The following GNAI2 variants were observed in gnomAD, a reference collection of about 807,000 sequenced individuals.
GNAI2 encodes the protein guanine nucleotide-binding protein G(i) subunit alpha-2.
In GNAI2, 4 loss-of-function variants were observed where a neutral mutation model predicts 36.8. The observed-to-expected ratio is 0.11, with a 90% confidence interval of 0.05 to 0.25. GNAI2 has a LOEUF of 0.25. GNAI2 is among the 10% of genes least tolerant of loss of function. The pLI is 1.00. For synonymous variants in GNAI2, 194 were observed against 194.1 expected, an observed-to-expected ratio of 1.00 and a Z score of 0.01; for missense variants, 230 against 481.3, an observed-to-expected ratio of 0.48 and a Z score of 4.89.
upstream of GNAI2, among the ~76,000 whole-genome samples, chr3:50,233,345 G>A (rs978042898): frequency 6.6e-6 from 1 of 152,198 alleles, no homozygotes; most frequent in East Asian, 1.9e-4. Flanking sequence ...CCTACTGAGA[G>A]CTGGGCCTCC....
At chr3:50,231,592 T>C (rs114336797), upstream of GNAI2, among the ~76,000 whole-genome samples, 2,379 of 152,240 alleles carry the variant, frequency 0.016, 65 homozygotes, top group African/African-American at 0.054. Flanking sequence ...TTTAAGTTGA[T>C]ACATATTTAC....
At position 50,253,185 on chromosome 3, in the gene GNAI2, G is replaced by C. The variant is rs111822168; in HGVS notation, c.464+1G>C. 1 of 1,608,170 alleles carries C rather than the reference G, an allele frequency of 6.2e-7. No homozygotes were observed. The highest frequency in any genetic ancestry group is 8.5e-7 in the Non-Finnish European group (1 of 1,175,376). On this transcript the variant is annotated splice_donor_variant, in intron 4 of 8. Coordinates refer to ENST00000313601, the MANE Select transcript of GNAI2 (RefSeq NM_002070.4). LOFTEE classifies it high-confidence loss of function. The surrounding 1 kb of genome is among the most constrained non-coding windows in gnomAD (Gnocchi z 4.2). ...ACCAGCTCAACGACTCAGCTGCCTA[G>C]TGAGTGCTCTGAGGGGCTGGGCAGG...
chr3:50,253,047 A>G lies in GNAI2; in HGVS notation c.327A>G (p.Ala109=), dbSNP rs1553702755. ...SRADDARQLF[A]LSCTAEEQGV... ...AGGACGACGCCAGGCAGCTATTTGC[A>G]CTGTCCTGCACCGCCGAGGAGCAAG... Residue 109 remains alanine, a synonymous_variant, in exon 4 of 9, where the codon GCA becomes GCG. Coordinates refer to ENST00000313601, the MANE Select transcript of GNAI2 (RefSeq NM_002070.4). This position sits in a 1 kb window ranked among gnomAD's most constrained non-coding sequence, Gnocchi z 4.2. The G allele has an allele frequency of 4.4e-6, 7 of 1,596,348 alleles. No individual in the cohort carries two copies. The highest frequency in any genetic ancestry group is 5.1e-6 in the Non-Finnish European group (6 of 1,166,426).
rs1474800740 is a variant in GNAI2, at chr3:50,238,769, T to C, written c.118+2316T>C. Among the ~76,000 whole-genome samples the C allele has an allele frequency of 6.6e-6, 1 of 152,190 alleles. No individual in the cohort carries two copies. Among genetic ancestry groups the C allele is most frequent in the Non-Finnish European group, 1.5e-5 (1 of 68,024 alleles). ...TTGAGCCATGCCTTTCCCATCCAGG[T>C]GCAAGGTGGTGATGGGAGCCCAGCT... On this transcript the variant is annotated intron_variant, in intron 1 of 8. Transcript: ENST00000313601. This position sits in a 1 kb window ranked among gnomAD's most constrained non-coding sequence, Gnocchi z 5.0.
At chr3:50,251,226 G>T (rs1700550351) in intron 1 of GNAI2, 1 of 345,144 alleles carries the variant, frequency 2.9e-6, no homozygotes, top group Non-Finnish European at 4.1e-6. Context: ...TTGCCCTTCT[G>T]AGTCCTGGCT....
rs1289920798 is a variant in GNAI2, at chr3:50,242,327, T to C, written c.118+5874T>C. Among the ~76,000 whole-genome samples, 1 of 151,962 alleles carries C rather than the reference T, an allele frequency of 6.6e-6. No individual in the cohort carries two copies. The highest frequency in any genetic ancestry group is 1.9e-4 in the East Asian group (1 of 5,174). On this transcript the variant is annotated intron_variant, in intron 1 of 8. Coordinates refer to ENST00000313601, the MANE Select transcript of GNAI2 (RefSeq NM_002070.4). This position sits in a 1 kb window ranked among gnomAD's most constrained non-coding sequence, Gnocchi z 4.8. ...GGGCAAGGTACAGGCCAGGGAGTAG[T>C]CTCATCTTCCCAGCATCTCAGGCCA...
At chr3:50,237,276 G>C (rs782360328) in intron 1 of GNAI2, among the ~76,000 whole-genome samples, 3 of 152,240 alleles carry the variant, frequency 2.0e-5, no homozygotes, top group African/African-American at 4.8e-5. Context: ...GGTCACGCTG[G>C]GGGAGGGGGC....
At chr3:50,239,741 C>T (rs910545712) in intron 1 of GNAI2, 1 of 152,238 alleles carries the variant, frequency 6.6e-6, no homozygotes, top group Non-Finnish European at 1.5e-5. Flanking sequence ...GAGTTCTTAT[C>T]CCACCCTGTG....
rs1013850779 is a variant in GNAI2, at chr3:50,255,641, G to A, written c.465-551G>A. Among the ~76,000 whole-genome samples the A allele has an allele frequency of 3.9e-5, 6 of 152,210 alleles. No individual in the cohort carries two copies. ...GGTGCTGGAGCTTGGCTGGCTAGCTGTCCACAGAGCTGCACCTCCTCCCAT... is the reference window on the plus strand; with the variant it reads ...GGTGCTGGAGCTTGGCTGGCTAGCTATCCACAGAGCTGCACCTCCTCCCAT... On this transcript the variant is annotated intron_variant, in intron 4 of 8. Coordinates refer to ENST00000313601, the MANE Select transcript of GNAI2 (RefSeq NM_002070.4). The surrounding 1 kb of genome is among the most constrained non-coding windows in gnomAD (Gnocchi z 4.0).
rs1376219478 is a variant in GNAI2, at chr3:50,242,613, C to T, written c.118+6160C>T. Reference sequence around the variant, plus strand: ...TCTCGTTCTTACTAAACCCCAACCCCACCCTCACCCTGATGTTACTTCTTG... The same window carrying T: ...TCTCGTTCTTACTAAACCCCAACCCTACCCTCACCCTGATGTTACTTCTTG... On this transcript the variant is annotated intron_variant, in intron 1 of 8. Coordinates refer to ENST00000313601, the MANE Select transcript of GNAI2 (RefSeq NM_002070.4). This position sits in a 1 kb window ranked among gnomAD's most constrained non-coding sequence, Gnocchi z 4.8. Among the ~76,000 whole-genome samples, 3 of 152,136 alleles carry T rather than the reference C, an allele frequency of 2.0e-5. No homozygotes were observed. The highest frequency in any genetic ancestry group is 3.9e-4 in the East Asian group (2 of 5,190).
At position 50,257,436 on chromosome 3, in the gene GNAI2, G is replaced by A. The variant is rs587773439; in HGVS notation, c.878-64G>A. On this transcript the variant is annotated intron_variant, in intron 7 of 8. Transcript: ENST00000313601. ...CCGTCCACACGCACAGACCCTTGCT[G>A]CACACGTAGGATGCGGCCTGCCTGC... 3.8e-5 allele frequency: 43 copies of A among 1,121,212 alleles called. No individual in the cohort carries two copies. In the African/African-American group the frequency reaches 6.2e-4, roughly 16 times the overall value. 69.5% of individuals were successfully genotyped at this position (1,121,212 alleles called of 1,614,324 possible).
intron 1 of GNAI2, among the ~76,000 whole-genome samples, chr3:50,250,159 T>C (rs1553702230): frequency 6.6e-6 from 1 of 152,206 alleles, no homozygotes; most frequent in East Asian, 1.9e-4. Context: ...CCTCCCAGGA[T>C]TGCTGTGGAG....
rs1700662678 is a variant in GNAI2 at position 50,255,297 on chromosome 3, G to C, written c.465-895G>C. Among the ~76,000 whole-genome samples, 1 of 152,140 alleles carries C rather than the reference G, an allele frequency of 6.6e-6. No individual in the cohort carries two copies. Among genetic ancestry groups the C allele is most frequent in the South Asian group, 2.1e-4 (1 of 4,834 alleles). ...GCAGGCAGCAGAGGCAGGCCCTGCAGGGGTAGCCTTGATACTAATTAAGGG... is the reference window on the plus strand; with the variant it reads ...GCAGGCAGCAGAGGCAGGCCCTGCACGGGTAGCCTTGATACTAATTAAGGG... On this transcript the variant is annotated intron_variant, in intron 4 of 8. Coordinates refer to ENST00000313601, the MANE Select transcript of GNAI2 (RefSeq NM_002070.4). This position sits in a 1 kb window ranked among gnomAD's most constrained non-coding sequence, Gnocchi z 4.0.
At position 50,259,110 on chromosome 3, in the gene GNAI2, TC is replaced by T. The variant is rs1700790724; in HGVS notation, c.*769del. The T allele has an allele frequency of 2.8e-6, 1 of 358,978 alleles. No homozygotes were observed. The highest frequency in any genetic ancestry group is 5.4e-6 in the Non-Finnish European group (1 of 184,578). The allele number at this position is 358,978 out of a possible 1,614,324, so 22.2% of individuals were successfully genotyped here. A position where few individuals can be genotyped will look rare whatever the true frequency, so the allele number is the denominator to read the frequency against. On this transcript the variant is annotated 3_prime_UTR_variant, in exon 9 of 9. Coordinates refer to ENST00000313601, the MANE Select transcript of GNAI2 (RefSeq NM_002070.4). ...CACAGAATTGGGTTCCAAGGGCTGT[TC>T]CAGACAACTGCCAACGTCACTGAGG...
upstream of GNAI2, among the ~76,000 whole-genome samples, chr3:50,232,439 C>G (rs1553699866): frequency 5.3e-5 from 8 of 152,226 alleles, no homozygotes; most frequent in Admixed American, 5.2e-4. Context: ...TGACCTCTGC[C>G]TGTGCTTTGG....
chr3:50,252,478 C>T lies in GNAI2; in HGVS notation c.243C>T (p.Ile81=). 6.2e-7 allele frequency: 1 copy of T among 1,613,620 alleles called. No individual in the cohort carries two copies. Among genetic ancestry groups the T allele is most frequent in the Non-Finnish European group, 8.5e-7 (1 of 1,179,736 alleles). Residue 81 remains isoleucine (I), a synonymous_variant, in exon 3 of 9, where the codon ATC becomes ATT. Transcript: ENST00000313601. The surrounding 1 kb of genome is among the most constrained non-coding windows in gnomAD (Gnocchi z 4.1). ...TCTACAGCAACACCATCCAGTCCATCATGGCCATTGTCAAAGCCATGGGCA... is the reference window on the plus strand; with the variant it reads ...TCTACAGCAACACCATCCAGTCCATTATGGCCATTGTCAAAGCCATGGGCA... The part of the protein sequence containing the change: ...AVVYSNTIQS[I]MAIVKAMGNL...
rs587681450 is a variant in GNAI2, at chr3:50,253,425, G to C, written c.464+241G>C. ...AGTACATCTCTTCCAGGCCAGTTGA[G>C]TCTGATCTGTCTTGACAGTCTTCTA... On this transcript the variant is annotated intron_variant, in intron 4 of 8. Coordinates refer to ENST00000313601, the MANE Select transcript of GNAI2 (RefSeq NM_002070.4). The surrounding 1 kb of genome is among the most constrained non-coding windows in gnomAD (Gnocchi z 4.2). Among the ~76,000 whole-genome samples the C allele has an allele frequency of 9.8e-5, 15 of 152,306 alleles. No homozygotes were observed. The highest frequency in any genetic ancestry group is 1.6e-4 in the Non-Finnish European group (11 of 68,034).
chr3:50,257,954 C>A (rs1427720960), intron 8 of GNAI2: 15 of 397,382 alleles, frequency 3.8e-5, no homozygotes, highest in Non-Finnish European at 1.8e-5. Flanking sequence ...AAGGGCCTGG[C>A]CTTGCCCTGG....
rs1700677691 is a variant in GNAI2 at position 50,255,711 on chromosome 3, C to A, written c.465-481C>A. On this transcript the variant is annotated intron_variant, in intron 4 of 8. Transcript: ENST00000313601. This position sits in a 1 kb window ranked among gnomAD's most constrained non-coding sequence, Gnocchi z 4.0. ...GGCCGGGGGCTCTGAGTTCAGGTTT[C>A]TTCATTTGAGCAATGAGGTAATGCA... 6.6e-6 allele frequency among the ~76,000 whole-genome samples: 1 copy of A among 152,062 alleles called. No individual in the cohort carries two copies. Among genetic ancestry groups the A allele is most frequent in the Admixed American group, 6.6e-5 (1 of 15,262 alleles).
Sources: gnomAD v4.1 joint callset for allele counts (sites outside exome capture counted in the v4.1 genomes callset) on GRCh38, gnomAD v4.1.1 for gene constraint, Gnocchi (gnomAD v3.1) non-coding constraint, MANE v1.5 for transcripts, NCBI Gene and HGNC (gene_info 2026-07-23, HGNC 2026-07-21) for gene names.